The following CTNNBIP1 variants were observed in gnomAD, a reference collection of about 807,000 sequenced individuals.
The protein encoded by CTNNBIP1 is catenin beta interacting protein 1, also known as beta-catenin-interacting protein 1.
In CTNNBIP1, 7 loss-of-function variants were observed where a neutral mutation model predicts 11.8. The ratio of observed to expected loss-of-function variants is 0.60; its 90% CI spans 0.34 to 1.12. CTNNBIP1 has a LOEUF of 1.12. CTNNBIP1 is among the 50% of genes most tolerant of loss of function. The pLI is 0.03. For missense variants in CTNNBIP1, 101 were observed against 113.4 expected (o/e 0.89, Z 0.50); for synonymous variants, 58 against 43.9 (o/e 1.32, Z -1.26).
At chr1:9,898,263 C>T (rs745739274) in intron 1 of CTNNBIP1, among the ~76,000 whole-genome samples, 1 of 152,056 alleles carries the variant, frequency 6.6e-6, no homozygotes, top group Non-Finnish European at 1.5e-5. Context: ...CAGTGGCTCA[C>T]ACCTGTAATC....
At chr1:9,865,382 C>T (rs1478311853) in intron 5 of CTNNBIP1, among the ~76,000 whole-genome samples, 3 of 152,046 alleles carry the variant, frequency 2.0e-5, no homozygotes, top group Admixed American at 6.6e-5. Flanking sequence ...AGGTGGATCA[C>T]GAGGTCAGGA....
intron 1 of CTNNBIP1, among the ~76,000 whole-genome samples, chr1:9,897,864 T>A (rs999615239): frequency 6.6e-6 from 1 of 152,152 alleles, no homozygotes; most frequent in Non-Finnish European, 1.5e-5. Flanking sequence ...CTCACGCCTG[T>A]AATCCCAGCA....
chr1:9,868,822 G>C (rs1456311594), intron 5 of CTNNBIP1, among the ~76,000 whole-genome samples: 1 of 152,200 alleles, frequency 6.6e-6, no homozygotes, highest in Non-Finnish European at 1.5e-5. Flanking sequence ...TTTTAATAGA[G>C]ACAGGATGTT....
Position 9,851,370 on chromosome 1 carries a change from C to A in CTNNBIP1, c.188-594G>T, listed in dbSNP as rs1465601202. ...CTTTTTCTTTTTCTTTTTCCTTTTT[C>A]TTTCTTTTTTTTGTGTGTGATATGG... On this transcript the variant is annotated intron_variant, in intron 5 of 5. Coordinates refer to ENST00000377263, the MANE Select transcript of CTNNBIP1 (RefSeq NM_020248.3). The surrounding 1 kb of genome is among the most constrained non-coding windows in gnomAD (Gnocchi z 4.8). Among the ~76,000 whole-genome samples, 1 of 150,432 alleles carries A rather than the reference C, an allele frequency of 6.6e-6. No individual in the cohort carries two copies. The highest frequency in any genetic ancestry group is 1.5e-5 in the Non-Finnish European group (1 of 67,958).
chr1:9,903,496 G>C (rs980349661), intron 1 of CTNNBIP1, among the ~76,000 whole-genome samples: 9 of 152,172 alleles, frequency 5.9e-5, no homozygotes, highest in African/African-American at 2.2e-4. Context: ...TTCCCTCTGG[G>C]GACTGTTGTC....
intron 1 of CTNNBIP1, among the ~76,000 whole-genome samples, chr1:9,898,999 G>A (rs1000198497): frequency 2.6e-5 from 4 of 151,466 alleles, no homozygotes; most frequent in African/African-American, 7.3e-5. Flanking sequence ...TTTTACTTCC[G>A]TAGGTTTTTG....
In CTNNBIP1 at chr1:9,848,377, A is replaced by T. The variant is rs1268229578; in HGVS notation, c.*2341T>A. 2 of 152,232 alleles carry T rather than the reference A, an allele frequency of 1.3e-5. No homozygotes were observed. The highest frequency in any genetic ancestry group is 2.9e-5 in the Non-Finnish European group (2 of 68,048). The allele number at this position is 152,232 out of a possible 1,614,324, so 9.4% of individuals were successfully genotyped here. ...CACTTTGACTTTTCCTCTTCAGAAG[A>T]TGAGACAGGCCGGGGTCATCATTGT... is the stretch of plus-strand genomic sequence containing the variant. On this transcript the variant is annotated 3_prime_UTR_variant, in exon 6 of 6. Coordinates refer to ENST00000377263, the MANE Select transcript of CTNNBIP1 (RefSeq NM_020248.3). The surrounding 1 kb of genome is among the most constrained non-coding windows in gnomAD (Gnocchi z 4.3).
rs180915461 is a variant in CTNNBIP1, at chr1:9,861,997, A to G, written c.187+9190T>C. 3.3e-4 allele frequency among the ~76,000 whole-genome samples: 51 copies of G among 152,296 alleles called. No individual in the cohort carries two copies. In the East Asian group the frequency reaches 8.3e-3, roughly 25 times the overall value. On this transcript the variant is annotated intron_variant, in intron 5 of 5. Coordinates refer to ENST00000377263, the MANE Select transcript of CTNNBIP1 (RefSeq NM_020248.3). ...GGCTCCGTTATCCCTGCTCTGTTCT[A>G]ATCCCAGATGTGCTCCCCCAAATCC...
chr1:9,909,721 G>C (rs1399926357), intron 1 of CTNNBIP1, among the ~76,000 whole-genome samples: 2 of 152,086 alleles, frequency 1.3e-5, no homozygotes, highest in African/African-American at 2.4e-5. Flanking sequence ...CGTTTAGTTT[G>C]GGGAAATATG....
In CTNNBIP1 at chr1:9,888,357, G is replaced by A. The variant is rs183927736; in HGVS notation, c.-143-4619C>T. Reference sequence around the variant, plus strand: ...AGCACTTTGGGAGGCTGAGGTGCGCGGATCACCTGAGGTCAGGAGTTCAAG... The same window carrying A: ...AGCACTTTGGGAGGCTGAGGTGCGCAGATCACCTGAGGTCAGGAGTTCAAG... On this transcript the variant is annotated intron_variant, in intron 1 of 5. Transcript: ENST00000377263. Among the ~76,000 whole-genome samples, 330 of 151,968 alleles carry A rather than the reference G, an allele frequency of 2.2e-3. 2 individuals carry two copies. The highest frequency in any genetic ancestry group is 7.5e-3 in the African/African-American group (312 of 41,516).
Position 9,872,227 on chromosome 1 carries a change from G to A in CTNNBIP1, c.-24-139C>T. 1.6e-6 allele frequency: 1 copy of A among 639,994 alleles called. No individual in the cohort carries two copies. The allele number at this position is 639,994 out of a possible 1,614,324, so 39.6% of individuals were successfully genotyped here. A position where few individuals can be genotyped will look rare whatever the true frequency, so the allele number is the denominator to read the frequency against. ...TCCCTTCTGGGAGCATGGGGCAGGT[G>A]GCGAGGTGCTGGGTTCCTTTCTCAC... is the stretch of plus-strand genomic sequence containing the variant. On this transcript the variant is annotated intron_variant, in intron 3 of 5. Coordinates refer to ENST00000377263, the MANE Select transcript of CTNNBIP1 (RefSeq NM_020248.3). This position sits in a 1 kb window ranked among gnomAD's most constrained non-coding sequence, Gnocchi z 4.0.
intron 2 of CTNNBIP1, among the ~76,000 whole-genome samples, chr1:9,881,168 T>C (rs2101504219): frequency 6.6e-6 from 1 of 151,898 alleles, no homozygotes; most frequent in South Asian, 2.1e-4. Context: ...CCTGCATGGC[T>C]GAACCACAGG....
chr1:9,889,808 G>A (rs568758434), intron 1 of CTNNBIP1, among the ~76,000 whole-genome samples: 10 of 152,292 alleles, frequency 6.6e-5, no homozygotes, highest in African/African-American at 2.2e-4. Flanking sequence ...TAATCCTCAC[G>A]TAACTCACAA....
chr1:9,900,013 G>C (rs1639491381), intron 1 of CTNNBIP1, among the ~76,000 whole-genome samples: 1 of 151,582 alleles, frequency 6.6e-6, no homozygotes, highest in Non-Finnish European at 1.5e-5. Flanking sequence ...GGCAGAGGTT[G>C]AAGTGAGGCA....
chr1:9,892,686 G>GTTTCTATT (rs1235001519), intron 1 of CTNNBIP1, among the ~76,000 whole-genome samples: 8 of 152,150 alleles, frequency 5.3e-5, no homozygotes, highest in African/African-American at 1.7e-4. Context: ...AGATATAGGT[G>GTTTCTATT]TATCTGTTTA....
intron 2 of CTNNBIP1, among the ~76,000 whole-genome samples, chr1:9,879,343 A>T (rs1639036157): frequency 6.6e-6 from 1 of 152,196 alleles, no homozygotes; most frequent in South Asian, 2.1e-4. Context: ...GGGGCCAATG[A>T]CAGCTTGGAA....
chr1:9,871,340 C>G lies in CTNNBIP1; in HGVS notation c.97-63G>C. 2 of 1,241,232 alleles carry G rather than the reference C, an allele frequency of 1.6e-6. No homozygotes were observed. The highest frequency in any genetic ancestry group is 2.6e-5 in the South Asian group (2 of 78,002). 76.9% of individuals were successfully genotyped at this position (1,241,232 alleles called of 1,614,324 possible). On this transcript the variant is annotated intron_variant, in intron 4 of 5. Transcript: ENST00000377263. The surrounding 1 kb of genome is among the most constrained non-coding windows in gnomAD (Gnocchi z 5.2). ...ACCTGTTCCCTGAAAGGCACCTGCA[C>G]CCCTAGAGGCACCGCCTAGGCCTGC...
intron 1 of CTNNBIP1, among the ~76,000 whole-genome samples, chr1:9,895,786 C>T (rs1570595869): frequency 6.6e-6 from 1 of 152,096 alleles, no homozygotes; most frequent in Admixed American, 6.6e-5. Flanking sequence ...CATGAGCCAC[C>T]GCACCTGGCC....
At chr1:9,894,082 G>A (rs1639361822) in intron 1 of CTNNBIP1, among the ~76,000 whole-genome samples, 1 of 151,548 alleles carries the variant, frequency 6.6e-6, no homozygotes, top group South Asian at 2.1e-4. Context: ...TTTTTCTTTT[G>A]AAAAATTCCA....
Sources: allele counts gnomAD v4.1 joint callset (sites outside exome capture counted in the v4.1 genomes callset), GRCh38; gene constraint gnomAD v4.1.1; non-coding constraint Gnocchi (gnomAD v3.1); transcripts MANE v1.5; gene names NCBI Gene and HGNC (gene_info 2026-07-23, HGNC 2026-07-21).